PRTN3: variants seen among roughly 807,000 people sequenced by gnomAD.
The protein encoded by PRTN3 is myeloblastin.
A neutral mutation model predicts 20.7 loss-of-function variants in PRTN3; 22 were observed. That is an observed-to-expected ratio of 1.06 (90% CI 0.76 to 1.52). The LOEUF (loss-of-function observed/expected upper bound fraction) is 1.52, where lower values mean the gene tolerates loss of function less well. PRTN3 is among the 40% of genes most tolerant of loss of function. The probability of loss-of-function intolerance (pLI) is 0.00; values close to 1 mark genes in which losing one functional copy is unlikely to be tolerated. For synonymous variants in PRTN3, 173 were observed against 152.9 expected (o/e 1.13, Z -0.97); for missense variants, 378 against 359.6 (o/e 1.05, Z -0.41).
chr19:843,882 C>T lies in PRTN3; in HGVS notation c.228-11C>T. The T allele has an allele frequency of 6.3e-7, 1 of 1,580,118 alleles. No individual in the cohort carries two copies. The highest frequency in any genetic ancestry group is 1.9e-5 in the Admixed American group (1 of 54,002). On this transcript the variant is annotated splice_polypyrimidine_tract_variant and intron_variant, in intron 2 of 4. Coordinates refer to ENST00000234347, the MANE Select transcript of PRTN3 (RefSeq NM_002777.4). The stretch of plus-strand genomic sequence containing the variant: ...CCAGGGCGCCGAGGAGTGACCACCC[C>T]ACCCCCGCAGACCCCAGCGCCTGGT...
At chr19:843,869 G>T in intron 2 of PRTN3, 24 bp from the exon 3 acceptor site, 1 of 1,570,982 alleles carries the variant, frequency 6.4e-7, no homozygotes, top group Non-Finnish European at 8.6e-7. Context: ...AGGGCGCCGA[G>T]GAGTGACCAC....
In PRTN3 at chr19:841,027, A is replaced by G. The variant is rs754314189; in HGVS notation, c.19A>G (p.Ser7Gly). 1.9e-6 allele frequency: 3 copies of G among 1,609,006 alleles called. No individual in the cohort carries two copies. Among genetic ancestry groups the G allele is most frequent in the East Asian group, 2.2e-5 (1 of 44,900 alleles). Residue 7 changes from serine (S) to glycine (G), a missense_variant, in exon 1 of 5, where the codon AGC becomes GGC. Coordinates refer to ENST00000234347, the MANE Select transcript of PRTN3 (RefSeq NM_002777.4). MAHRPPSPALASVLLAL... is the reference protein window; with the variant it reads MAHRPPGPALASVLLAL... ...CCCCACCATGGCTCACCGGCCCCCC[A>G]GCCCTGCCCTGGCGTCCGTGCTGCT...
In PRTN3 at chr19:843,597, G is replaced by T. The variant is rs145358114; in HGVS notation, c.198G>T (p.Val66=). The part of the protein sequence containing the change: ...CGGTLIHPSF[V]LTAAHCLRDI... ...GCACCTTGATCCACCCCAGCTTCGT[G>T]CTGACGGCCGCGCACTGCCTGCGGG... Residue 66 remains valine (V), a synonymous_variant, in exon 2 of 5, where the codon GTG becomes GTT. Coordinates refer to ENST00000234347, the MANE Select transcript of PRTN3 (RefSeq NM_002777.4). 9.9e-4 allele frequency: 1,576 copies of T among 1,597,970 alleles called. 13 individuals carry two copies. The highest frequency in any genetic ancestry group is 6.7e-3 in the South Asian group (602 of 89,682).
Position 847,076 on chromosome 19 carries a change from C to T in PRTN3, c.600+699C>T, listed in dbSNP as rs193159685. Among the ~76,000 whole-genome samples the T allele has an allele frequency of 4.1e-3, 622 of 152,140 alleles. 5 individuals carry two copies. Among genetic ancestry groups the T allele is most frequent in the African/African-American group, 0.014 (592 of 41,516 alleles). ...ATCTCAGCACTTTGGGAGGCCAAAG[C>T]GGAAGGATCTTTTGAGTCCAGGAGT... On this transcript the variant is annotated intron_variant, in intron 4 of 4. Transcript: ENST00000234347.
chr19:843,303 C>A lies in PRTN3; in HGVS notation c.62-158C>A, dbSNP rs917660251. ...TTTGGAAATCGTCGTAATTATAACCCCCCCGGCCTGGGCGCTGAGTCCTTC... is the reference window on the plus strand; with the variant it reads ...TTTGGAAATCGTCGTAATTATAACCACCCCGGCCTGGGCGCTGAGTCCTTC... On this transcript the variant is annotated intron_variant, in intron 1 of 4. Transcript: ENST00000234347. 1.9e-5 allele frequency: 13 copies of A among 700,646 alleles called. No homozygotes were observed. The Admixed American group carries it at 2.5e-4, about 14-fold the overall frequency. 43.4% of individuals were successfully genotyped at this position (700,646 alleles called of 1,614,324 possible).
intron 2 of PRTN3, 85 bp from the exon 3 acceptor site, chr19:843,808 G>A (rs555977799): frequency 6.7e-7 from 1 of 1,493,416 alleles, no homozygotes; most frequent in Non-Finnish European, 8.9e-7. Context: ...AGGGGTCTGG[G>A]GCTGCACCGC....
In PRTN3 at chr19:846,316, T is replaced by A. The variant is rs1160558095; in HGVS notation, c.539T>A (p.Phe180Tyr). The change falls in exon 4 of 5, where the codon TTC (phenylalanine) becomes TAC (tyrosine). Residue 180 changes from phenylalanine to tyrosine, a missense_variant. By Grantham distance (22) the Phe-to-Tyr change is conservative. Transcript: ENST00000234347. Reference sequence around the variant, plus strand: ...GAGCTCAATGTCACCGTGGTCACCTTCTTCTGCCGGCCACATAACATTTGC... The same window carrying A: ...GAGCTCAATGTCACCGTGGTCACCTACTTCTGCCGGCCACATAACATTTGC... Reference protein sequence around the residue: ...LQELNVTVVTFFCRPHNICTF... With the variant: ...LQELNVTVVTYFCRPHNICTF... 6 of 1,593,102 alleles carry A rather than the reference T, an allele frequency of 3.8e-6. No individual in the cohort carries two copies. Among genetic ancestry groups the A allele is most frequent in the Non-Finnish European group, 5.1e-6 (6 of 1,170,504 alleles).
intron 4 of PRTN3, among the ~76,000 whole-genome samples, chr19:847,412 G>C (rs2035530066): frequency 6.6e-6 from 1 of 151,620 alleles, no homozygotes; most frequent in African/African-American, 2.4e-5. Context: ...ACTCCAGCCT[G>C]GGTGACAGAG....
In PRTN3 at chr19:847,998, C is replaced by A; in HGVS notation, c.*29C>A. On this transcript the variant is annotated 3_prime_UTR_variant, in exon 5 of 5. Coordinates refer to ENST00000234347, the MANE Select transcript of PRTN3 (RefSeq NM_002777.4). ...GCCCCTCCCACAGCGCTGGCCGGGA[C>A]CCCGAGCCTGGCTCCAAACCCTCGA... 6.4e-7 allele frequency: 1 copy of A among 1,574,268 alleles called. No individual in the cohort carries two copies. Among genetic ancestry groups the A allele is most frequent in the South Asian group, 1.1e-5 (1 of 87,090 alleles).
chr19:846,489 TC>T, intron 4 of PRTN3, 112 bp downstream of exon 4: 1 of 1,133,972 alleles, frequency 8.8e-7, no homozygotes, highest in Non-Finnish European at 1.2e-6. Context: ...TGCCTCAGTC[TC>T]CCCACCTGGA....
chr19:841,133 A>G, intron 1 of PRTN3, 64 bp downstream of exon 1: 1 of 1,565,622 alleles, frequency 6.4e-7, no homozygotes, highest in South Asian at 1.1e-5. Flanking sequence ...GGAAATATCC[A>G]CCACGAGGTC....
At position 844,400 on chromosome 19, in the gene PRTN3, C is replaced by T. The variant is rs528223236; in HGVS notation, c.369+366C>T. Among the ~76,000 whole-genome samples the T allele has an allele frequency of 3.7e-3, 265 of 72,284 alleles. 9 individuals are homozygous for T. Among genetic ancestry groups the T allele is most frequent in the African/African-American group, 0.018 (252 of 14,378 alleles). 47.4% of individuals were successfully genotyped at this position (72,284 alleles called of 152,430 possible). ...CTCCCTTGCCCGCCCCTCTCCCCTG[C>T]CCGCGCCTCTCCCCTGCGCGCCTCT... On this transcript the variant is annotated intron_variant, in intron 3 of 4. Transcript: ENST00000234347.
chr19:843,945 G>A lies in PRTN3; in HGVS notation c.280G>A (p.Glu94Lys). The A allele has an allele frequency of 6.2e-7, 1 of 1,601,060 alleles. No homozygotes were observed. Among genetic ancestry groups the A allele is most frequent in the Non-Finnish European group, 8.5e-7 (1 of 1,174,762 alleles). The change falls in exon 3 of 5, where the codon GAG (glutamate) becomes AAG (lysine). Residue 94 changes from glutamate to lysine, a missense_variant. Physicochemically the swap from Glu to Lys is moderately conservative, Grantham distance 56. Coordinates refer to ENST00000234347, the MANE Select transcript of PRTN3 (RefSeq NM_002777.4). ...VLGAHNVRTQEPTQQHFSVAQ... is the reference protein window; with the variant it reads ...VLGAHNVRTQKPTQQHFSVAQ... Reference sequence around the variant, plus strand: ...CGGAGCCCACAACGTGCGGACGCAGGAGCCCACCCAGCAGCACTTCTCGGT... The same window carrying A: ...CGGAGCCCACAACGTGCGGACGCAGAAGCCCACCCAGCAGCACTTCTCGGT...
intron 3 of PRTN3, among the ~76,000 whole-genome samples, chr19:844,914 C>T (rs537464345): frequency 6.6e-6 from 1 of 150,456 alleles, no homozygotes; most frequent in African/African-American, 2.4e-5. Context: ...GCAGCCTGAC[C>T]AACCTAGTGA....
intron 1 of PRTN3, among the ~76,000 whole-genome samples, chr19:841,528 A>G (rs768352888): frequency 7.3e-6 from 1 of 137,654 alleles, no homozygotes; most frequent in Non-Finnish European, 1.6e-5. Context: ...GAATGAGTGA[A>G]TGAATCAATG....
intron 1 of PRTN3, among the ~76,000 whole-genome samples, chr19:841,891 A>C (rs140433312): frequency 0.026 from 3,763 of 147,470 alleles, 78 homozygotes; most frequent in African/African-American, 0.048. Flanking sequence ...CCATGCCTGG[A>C]TAATTTTTTG....
intron 1 of PRTN3, 117 bp from the exon 2 acceptor site, chr19:843,344 C>A: frequency 8.8e-7 from 1 of 1,135,420 alleles, no homozygotes; most frequent in Non-Finnish European, 1.2e-6. Flanking sequence ...AGCCAGCAGG[C>A]ACTGACCGGG....
chr19:843,900 C>G lies in PRTN3; in HGVS notation c.235C>G (p.Arg79Gly), dbSNP rs756801987. 1.9e-6 allele frequency: 3 copies of G among 1,592,018 alleles called. No homozygotes were observed. The highest frequency in any genetic ancestry group is 2.6e-6 in the Non-Finnish European group (3 of 1,170,514). Residue 79 changes from arginine to glycine, a missense_variant, in exon 3 of 5, where the codon CGC (arginine) becomes GGC (glycine). Physicochemically the swap from Arg to Gly is moderately radical, Grantham distance 125. Transcript: ENST00000234347. The stretch of plus-strand genomic sequence containing the variant: ...ACCACCCCACCCCCGCAGACCCCAG[C>G]GCCTGGTGAACGTGGTGCTCGGAGC... ...AAHCLRDIPQ[R>G]LVNVVLGAHN...
intron 4 of PRTN3, 143 bp downstream of exon 4, chr19:846,520 C>A (rs1327215824): frequency 1.1e-5 from 10 of 875,964 alleles, no homozygotes; most frequent in East Asian, 2.8e-5. Context: ...CACCCAACAC[C>A]CAACGGGCAG....
Sources: gnomAD v4.1 joint callset for allele counts (sites outside exome capture counted in the v4.1 genomes callset) on GRCh38, gnomAD v4.1.1 for gene constraint, MANE v1.5 for transcripts, NCBI Gene and HGNC (gene_info 2026-07-23, HGNC 2026-07-21) for gene names.